CSMD1: variants seen among roughly 807,000 people sequenced by gnomAD.
CSMD1 encodes the protein CUB and Sushi multiple domains 1, also known as CUB and sushi domain-containing protein 1.
A neutral mutation model predicts 417.5 loss-of-function variants in CSMD1; 213 were observed. That is an observed-to-expected ratio of 0.51 (90% CI 0.46 to 0.57). The LOEUF is 0.57. CSMD1 is among the 20% of genes least tolerant of loss of function. The pLI, the probability that CSMD1 is intolerant of heterozygous loss-of-function variation, is 0.00. For synonymous variants in CSMD1, 2,862 were observed against 1,736.8 expected (o/e 1.65, Z -16.11); for missense variants, 6,923 against 4,529.7 (o/e 1.53, Z -15.17).
At chr8:3,387,775 AAAT>A in intron 17 of CSMD1, 93 bp from the exon 18 acceptor site, 2 of 1,007,506 alleles carry the variant, frequency 2.0e-6, no homozygotes, top group South Asian at 3.3e-5. Context: ...ATAGTCTCAG[AAAT>A]AATAAGACCT....
intron 30 of CSMD1, among the ~76,000 whole-genome samples, chr8:3,209,615 G>A (rs7833950): frequency 1.6e-3 from 239 of 152,140 alleles, no homozygotes; most frequent in African/African-American, 5.4e-3. Flanking sequence ...CACTGCACTC[G>A]GCTATTTAAT....
chr8:3,256,323 A>AG (rs1554487840), intron 26 of CSMD1, among the ~76,000 whole-genome samples: 33 of 138,060 alleles, frequency 2.4e-4, no homozygotes, highest in East Asian at 8.2e-4. Flanking sequence ...AAAAAAAAAA[A>AG]AAGAGAAGAA....
intron 12 of CSMD1, among the ~76,000 whole-genome samples, chr8:3,413,138 T>C (rs1812921167): frequency 6.6e-6 from 1 of 152,240 alleles, no homozygotes; most frequent in Non-Finnish European, 1.5e-5. Flanking sequence ...GGAAATTACC[T>C]GGTATATTGC....
intron 3 of CSMD1, among the ~76,000 whole-genome samples, chr8:4,169,316 T>C (rs1332127966): frequency 6.6e-6 from 1 of 152,188 alleles, no homozygotes; most frequent in Non-Finnish European, 1.5e-5. Flanking sequence ...CCTCTAAAGC[T>C]GGTCCCTCCC....
At chr8:3,542,801 G>C (rs569038424) in intron 10 of CSMD1, among the ~76,000 whole-genome samples, 15 of 152,170 alleles carry the variant, frequency 9.9e-5, no homozygotes, top group Non-Finnish European at 2.1e-4. Context: ...GATATCCTTC[G>C]ATGCTTTAGC....
chr8:4,289,873 C>G (rs1009048500), intron 3 of CSMD1, among the ~76,000 whole-genome samples: 2 of 152,190 alleles, frequency 1.3e-5, no homozygotes, highest in African/African-American at 2.4e-5. Context: ...TTGCTACAAA[C>G]AAGAAATGAA....
chr8:4,361,907 T>A (rs7837187), intron 3 of CSMD1, among the ~76,000 whole-genome samples: 24,829 of 151,698 alleles, frequency 0.16, 4,013 homozygotes, highest in African/African-American at 0.41. Context: ...GTGAGGCGAG[T>A]TCACTCCACT....
chr8:4,952,064 G>A (rs1808789531), intron 1 of CSMD1, among the ~76,000 whole-genome samples: 2 of 151,376 alleles, frequency 1.3e-5, no homozygotes, highest in Non-Finnish European at 2.9e-5. Context: ...ACACGTAATT[G>A]TAAGCAAATA....
chr8:3,028,658 T>C (rs112308399), intron 51 of CSMD1, among the ~76,000 whole-genome samples: 2 of 152,344 alleles, frequency 1.3e-5, no homozygotes, highest in South Asian at 4.1e-4. Context: ...TAAACATTCA[T>C]GCTTTTGTCT....
chr8:4,909,990 C>T (rs958432564), intron 1 of CSMD1, among the ~76,000 whole-genome samples: 2 of 152,164 alleles, frequency 1.3e-5, no homozygotes, highest in African/African-American at 2.4e-5. Context: ...CTTTTCTAAA[C>T]TTTATCAATG....
At chr8:3,092,519 T>A (rs1815012674) in intron 47 of CSMD1, among the ~76,000 whole-genome samples, 1 of 152,188 alleles carries the variant, frequency 6.6e-6, no homozygotes, top group South Asian at 2.1e-4. Flanking sequence ...GTGAAGCTTC[T>A]AAATTTACCT....
rs150002825 is a variant in CSMD1, at chr8:2,986,283, A to C, written c.8378-7483T>G. On this transcript the variant is annotated intron_variant, in intron 54 of 69. Transcript: ENST00000635120. ...GCATTGGTTTATCTAGAGCTCTCAA[A>C]AACCTATGAAGAGGGTACTGTGGCT... Among the ~76,000 whole-genome samples, 957 of 152,252 alleles carry C rather than the reference A, an allele frequency of 6.3e-3. 11 individuals are homozygous for C. The highest frequency in any genetic ancestry group is 0.014 in the Middle Eastern group (4 of 294).
chr8:3,487,577 A>T (rs893426977), intron 11 of CSMD1, among the ~76,000 whole-genome samples: 3 of 152,202 alleles, frequency 2.0e-5, no homozygotes, highest in African/African-American at 7.2e-5. Flanking sequence ...AGGGTATTCT[A>T]CATCCACCAA....
At chr8:4,962,894 T>C (rs1016015544) in intron 1 of CSMD1, among the ~76,000 whole-genome samples, 1 of 152,178 alleles carries the variant, frequency 6.6e-6, no homozygotes, top group African/African-American at 2.4e-5. Flanking sequence ...CTGTAAAAAA[T>C]AAATCTATCT....
intron 1 of CSMD1, among the ~76,000 whole-genome samples, chr8:4,653,711 G>C (rs372251087): frequency 2.0e-5 from 3 of 152,086 alleles, no homozygotes; most frequent in African/African-American, 7.3e-5. Flanking sequence ...ACAAATGGCA[G>C]AAAAGGAAAT....
chr8:3,777,663 T>C (rs375798918), intron 5 of CSMD1, among the ~76,000 whole-genome samples: 1 of 152,198 alleles, frequency 6.6e-6, no homozygotes, highest in South Asian at 2.1e-4. Flanking sequence ...GGAGCCTCCT[T>C]GAAGTGCAGA....
intron 7 of CSMD1, among the ~76,000 whole-genome samples, chr8:3,633,249 A>T (rs1339696743): frequency 6.6e-6 from 1 of 152,208 alleles, no homozygotes; most frequent in Non-Finnish European, 1.5e-5. Context: ...AACATAAATT[A>T]CTCTGACACT....
chr8:3,578,606 G>C (rs1415713094), intron 9 of CSMD1, among the ~76,000 whole-genome samples: 3 of 152,186 alleles, frequency 2.0e-5, no homozygotes, highest in Non-Finnish European at 4.4e-5. Flanking sequence ...TTCTGACTCA[G>C]AAACATAGAC....
At chr8:4,492,791 G>C (rs1053690014) in intron 2 of CSMD1, among the ~76,000 whole-genome samples, 3 of 152,180 alleles carry the variant, frequency 2.0e-5, no homozygotes, top group Non-Finnish European at 2.9e-5. Flanking sequence ...TACAGTTCTT[G>C]ATCCTTATTC....
Sources: gnomAD v4.1 joint callset for allele counts (sites outside exome capture counted in the v4.1 genomes callset) on GRCh38, gnomAD v4.1.1 for gene constraint, MANE v1.5 for transcripts, NCBI Gene and HGNC (gene_info 2026-07-23, HGNC 2026-07-21) for gene names.